The following MAML3 variants were observed in gnomAD, a reference collection of about 807,000 sequenced individuals.
MAML3 encodes mastermind-like protein 3.
MAML3 carries 27 observed loss-of-function variants against 101.9 expected under a neutral mutation model. The ratio of observed to expected loss-of-function variants is 0.27; its 90% CI spans 0.20 to 0.37. The LOEUF is 0.37. Ranked by LOEUF, MAML3 falls within the 10% of genes least tolerant of loss-of-function variation. The pLI, the probability that MAML3 is intolerant of heterozygous loss-of-function variation, is 1.00. For synonymous variants in MAML3, 501 were observed against 555.9 expected, an observed-to-expected ratio of 0.90 and a Z score of 1.39; for missense variants, 1,316 against 1,444.9, an observed-to-expected ratio of 0.91 and a Z score of 1.45.
At chr4:139,973,622 C>CA (rs1199199717) in intron 1 of MAML3, among the ~76,000 whole-genome samples, 1 of 152,102 alleles carries the variant, frequency 6.6e-6, no homozygotes, top group Non-Finnish European at 1.5e-5. Flanking sequence ...ATTTCTTGGT[C>CA]AAAGGATAAA....
intron 2 of MAML3, among the ~76,000 whole-genome samples, chr4:139,801,496 G>T (rs1352454355): frequency 1.3e-5 from 2 of 152,104 alleles, no homozygotes; most frequent in Non-Finnish European, 2.9e-5. Flanking sequence ...CATAAAACAT[G>T]GGCTGAGAAA....
chr4:139,886,022 TATCTC>T (rs1282374828), intron 2 of MAML3, among the ~76,000 whole-genome samples: 1 of 143,908 alleles, frequency 6.9e-6, no homozygotes, highest in Non-Finnish European at 1.5e-5. Context: ...TATAAGAACA[TATCTC>T]AGAGAAGATT....
intron 1 of MAML3, among the ~76,000 whole-genome samples, chr4:140,118,283 T>C (rs563432644): frequency 3.2e-4 from 48 of 152,194 alleles, no homozygotes; most frequent in African/African-American, 1.1e-3. Context: ...GCTGTATGAC[T>C]TTTATCCAGT....
chr4:140,104,221 CAA>C (rs1439198727), intron 1 of MAML3, among the ~76,000 whole-genome samples: 3 of 148,756 alleles, frequency 2.0e-5, no homozygotes, highest in African/African-American at 7.5e-5. Context: ...CCTATGTCTA[CAA>C]AAAATTTAAA....
intron 2 of MAML3, among the ~76,000 whole-genome samples, chr4:139,865,760 AGCCT>A (rs1286948855): frequency 6.6e-6 from 1 of 152,246 alleles, no homozygotes; most frequent in Admixed American, 6.5e-5. Context: ...AGCTGGCCTC[AGCCT>A]TAGAGAGCCT....
intron 1 of MAML3, among the ~76,000 whole-genome samples, chr4:139,957,286 G>A (rs934831237): frequency 1.3e-5 from 2 of 152,322 alleles, no homozygotes; most frequent in African/African-American, 2.4e-5. Context: ...TACAGGTGAC[G>A]AAGCAGAGGC....
intron 1 of MAML3, among the ~76,000 whole-genome samples, chr4:139,921,822 C>T (rs889944117): frequency 6.6e-6 from 1 of 152,192 alleles, no homozygotes. Context: ...CTAACGGATG[C>T]TTGTTTAAAC....
intron 1 of MAML3, among the ~76,000 whole-genome samples, chr4:140,053,785 C>T (rs1217806921): frequency 1.3e-5 from 2 of 152,138 alleles, no homozygotes; most frequent in South Asian, 2.1e-4. Flanking sequence ...TATTTCTGGA[C>T]ACTAAAATCT....
At chr4:139,755,670 G>A (rs927893998) in intron 2 of MAML3, among the ~76,000 whole-genome samples, 7 of 152,150 alleles carry the variant, frequency 4.6e-5, no homozygotes, top group Non-Finnish European at 8.8e-5. Flanking sequence ...AAGAGAAAGA[G>A]TGAGCTTTTG....
intron 2 of MAML3, among the ~76,000 whole-genome samples, chr4:139,861,818 CCT>C (rs1338039893): frequency 6.6e-6 from 1 of 152,040 alleles, no homozygotes; most frequent in Non-Finnish European, 1.5e-5. Flanking sequence ...TCTATAAGCC[CCT>C]GTTGATTACA....
At chr4:139,774,977 G>A (rs112838585) in intron 2 of MAML3, among the ~76,000 whole-genome samples, 10 of 152,218 alleles carry the variant, frequency 6.6e-5, no homozygotes, top group South Asian at 2.1e-4. Context: ...AACTCTCTCC[G>A]GGGAAAGACT....
rs144552171 is a variant in MAML3, at chr4:139,991,248, C to T, written c.469-100281G>A. Among the ~76,000 whole-genome samples, 1,003 of 152,222 alleles carry T rather than the reference C, an allele frequency of 6.6e-3. 13 individuals are homozygous for T. Among genetic ancestry groups the T allele is most frequent in the African/African-American group, 0.023 (955 of 41,534 alleles). The stretch of plus-strand genomic sequence containing the variant: ...AACAGAGCCCTCAGAAATAAAGTCG[C>T]GTATCTACAACTATCTGATCTTTGA... On this transcript the variant is annotated intron_variant, in intron 1 of 4. Transcript: ENST00000509479.
intron 1 of MAML3, among the ~76,000 whole-genome samples, chr4:140,140,249 A>G (rs1484108915): frequency 6.6e-6 from 1 of 152,154 alleles, no homozygotes; most frequent in East Asian, 1.9e-4. Flanking sequence ...GCCTGAACCC[A>G]GGAGGCAGAG....
At chr4:139,751,670 G>A (rs1729504931) in intron 2 of MAML3, among the ~76,000 whole-genome samples, 1 of 152,150 alleles carries the variant, frequency 6.6e-6, no homozygotes, top group Admixed American at 6.5e-5. Flanking sequence ...AGGTTCTAAG[G>A]GGTGGTACAC....
At chr4:139,924,984 C>A (rs900716846) in intron 1 of MAML3, among the ~76,000 whole-genome samples, 1 of 127,680 alleles carries the variant, frequency 7.8e-6, no homozygotes, top group Admixed American at 8.9e-5. Flanking sequence ...GGTGACCTTT[C>A]GCTAAACTTT....
At chr4:140,150,264 ATCTT>A (rs1729136566) in intron 1 of MAML3, among the ~76,000 whole-genome samples, 1 of 152,204 alleles carries the variant, frequency 6.6e-6, no homozygotes, top group South Asian at 2.1e-4. Flanking sequence ...AGCAAGCATT[ATCTT>A]TCTATTTTCA....
chr4:139,889,546 C>T lies in MAML3; in HGVS notation c.1890G>A (p.Pro630=), dbSNP rs11729794. ...VANPNKNPLM[P]YIQQQQQQQQ... Reference sequence around the variant, plus strand: ...GCTGCTGTTGCTGCTGCTGGATATACGGCATCAAGGGGTTTTTGTTGGGGT... The same window carrying T: ...GCTGCTGTTGCTGCTGCTGGATATATGGCATCAAGGGGTTTTTGTTGGGGT... The change falls in exon 2 of 5, where the codon CCG becomes CCA. Residue 630 remains proline (P), a synonymous_variant. Transcript: ENST00000509479. 0.41 allele frequency: 662,652 copies of T among 1,613,480 alleles called. 148,543 individuals carry two copies. Among genetic ancestry groups the T allele is most frequent in the Non-Finnish European group, 0.47 (551,330 of 1,179,738 alleles).
chr4:140,044,826 T>C (rs1727152667), intron 1 of MAML3, among the ~76,000 whole-genome samples: 1 of 152,188 alleles, frequency 6.6e-6, no homozygotes, highest in African/African-American at 2.4e-5. Context: ...CACAGACATA[T>C]GAGAGTCATT....
chr4:139,891,516 G>T (rs1050821800), intron 1 of MAML3, among the ~76,000 whole-genome samples: 1 of 152,142 alleles, frequency 6.6e-6, no homozygotes, highest in Non-Finnish European at 1.5e-5. Flanking sequence ...GGCCTCAAGT[G>T]ATCAGCCTGC....
Sources: gnomAD v4.1 joint callset for allele counts (sites outside exome capture counted in the v4.1 genomes callset) on GRCh38, gnomAD v4.1.1 for gene constraint, MANE v1.5 for transcripts, NCBI Gene and HGNC (gene_info 2026-07-23, HGNC 2026-07-21) for gene names.